Variants in IKZF1 observed in about 807,000 individuals in gnomAD.
IKZF1 encodes DNA-binding protein Ikaros.
In IKZF1, 10 loss-of-function variants were observed where a neutral mutation model predicts 51.7. The observed-to-expected ratio is 0.19, with a 90% CI of 0.12 to 0.33. The LOEUF (loss-of-function observed/expected upper bound fraction) is 0.33. Ranked by LOEUF, IKZF1 falls within the 10% of genes least tolerant of loss-of-function variation. The probability of loss-of-function intolerance (pLI) is 1.00; values close to 1 mark genes in which losing one functional copy is unlikely to be tolerated. For synonymous variants in IKZF1, 280 were observed against 282.3 expected (o/e 0.99, Z 0.08); for missense variants, 484 against 707.5 (o/e 0.68, Z 3.58).
chr7:50,372,998 T>C (rs1335797047), intron 3 of IKZF1, among the ~76,000 whole-genome samples: 1 of 152,244 alleles, frequency 6.6e-6, no homozygotes, highest in African/African-American at 2.4e-5. Context: ...CTGTTACAGC[T>C]CTCAGTGACA....
chr7:50,380,223 G>T (rs1436338512), intron 4 of IKZF1, among the ~76,000 whole-genome samples: 1 of 152,184 alleles, frequency 6.6e-6, no homozygotes, highest in Non-Finnish European at 1.5e-5. Context: ...CATGCCTTGT[G>T]CTATGTGTTC....
intron 1 of IKZF1, chr7:50,308,994 G>T: frequency 6.5e-6 from 1 of 152,676 alleles, no homozygotes; most frequent in Non-Finnish European, 1.5e-5. Flanking sequence ...TTTCCACAGT[G>T]GGTGGCCTGA....
chr7:50,347,776 A>G (rs1478605681), intron 3 of IKZF1, among the ~76,000 whole-genome samples: 2 of 152,202 alleles, frequency 1.3e-5, no homozygotes, highest in African/African-American at 4.8e-5. Context: ...AAGTCACTCA[A>G]GGGCAGGAGG....
chr7:50,312,224 C>T (rs1790358261), intron 1 of IKZF1, among the ~76,000 whole-genome samples: 1 of 152,032 alleles, frequency 6.6e-6, no homozygotes, highest in Non-Finnish European at 1.5e-5. Flanking sequence ...GTCGATGGCC[C>T]AAATCAGAAG....
intron 1 of IKZF1, among the ~76,000 whole-genome samples, chr7:50,307,182 G>A (rs945592832): frequency 5.3e-5 from 8 of 152,234 alleles, no homozygotes; most frequent in African/African-American, 1.9e-4. Flanking sequence ...CGTTTTTTGA[G>A]TGTTGCATAA....
intron 1 of IKZF1, among the ~76,000 whole-genome samples, chr7:50,310,828 C>A (rs2153338221): frequency 6.6e-6 from 1 of 152,294 alleles, no homozygotes. Flanking sequence ...GTAATTGTTA[C>A]CAAGCCATTG....
intron 3 of IKZF1, among the ~76,000 whole-genome samples, chr7:50,356,176 C>T (rs1389309829): frequency 2.0e-5 from 3 of 152,190 alleles, no homozygotes; most frequent in Admixed American, 1.3e-4. Context: ...CGTCTCAGCC[C>T]TAAAATTAAG....
chr7:50,387,977 G>A (rs1224446251), intron 6 of IKZF1, among the ~76,000 whole-genome samples: 1 of 152,194 alleles, frequency 6.6e-6, no homozygotes, highest in Non-Finnish European at 1.5e-5. Context: ...TTTGTTGGAA[G>A]CCCCTGGTAG....
Position 50,401,270 on chromosome 7 carries a change from T to C in IKZF1, c.*643T>C. ...AATGAATTGGTTGGGGAAAGTCGTGTCTGTCAGACTGCCCTGGGTGGAGGG... is the reference window on the plus strand; with the variant it reads ...AATGAATTGGTTGGGGAAAGTCGTGCCTGTCAGACTGCCCTGGGTGGAGGG... On this transcript the variant is annotated 3_prime_UTR_variant, in exon 8 of 8. Transcript: ENST00000331340. 8.6e-6 allele frequency: 2 copies of C among 231,656 alleles called. No homozygotes were observed. The highest frequency in any genetic ancestry group is 5.6e-5 in the Admixed American group (1 of 17,700). 14.4% of individuals were successfully genotyped at this position (231,656 alleles called of 1,614,324 possible).
intron 3 of IKZF1, among the ~76,000 whole-genome samples, chr7:50,341,895 G>A (rs1439979793): frequency 6.6e-6 from 1 of 151,300 alleles, no homozygotes; most frequent in Admixed American, 6.6e-5. Context: ...GTGCTCAGGA[G>A]TCACATGCAG....
intron 1 of IKZF1, among the ~76,000 whole-genome samples, chr7:50,313,596 G>A (rs10261758): frequency 0.73 from 110,842 of 152,152 alleles, 40,769 homozygotes; most frequent in African/African-American, 0.83. Context: ...AGAGTGCTAG[G>A]GAGAAAGAGG....
intron 1 of IKZF1, 70 bp from the exon 2 acceptor site, chr7:50,318,978 A>G: frequency 1.0e-6 from 1 of 961,522 alleles, no homozygotes; most frequent in Non-Finnish European, 1.7e-6. Context: ...GGGGTTCTTT[A>G]TCTCTCTCTC....
At chr7:50,325,737 T>A (rs1794808678) in intron 2 of IKZF1, among the ~76,000 whole-genome samples, 1 of 151,376 alleles carries the variant, frequency 6.6e-6, no homozygotes, top group African/African-American at 2.4e-5. Flanking sequence ...ATCGCGCCAC[T>A]GCACTCCAGC....
chr7:50,380,467 G>A (rs1811540982), intron 4 of IKZF1, among the ~76,000 whole-genome samples: 3 of 152,226 alleles, frequency 2.0e-5, no homozygotes, highest in Non-Finnish European at 4.4e-5. Context: ...GACCTGGGGA[G>A]AGACATGGGA....
intron 6 of IKZF1, among the ~76,000 whole-genome samples, 163 bp downstream of exon 6, chr7:50,387,633 A>G (rs1468001710): frequency 6.6e-6 from 1 of 152,174 alleles, no homozygotes; most frequent in African/African-American, 2.4e-5. Flanking sequence ...TTTCACCAGA[A>G]GCACGTTGTG....
chr7:50,339,050 G>T (rs1340804116), intron 3 of IKZF1, among the ~76,000 whole-genome samples: 1 of 152,188 alleles, frequency 6.6e-6, no homozygotes, highest in Admixed American at 6.5e-5. Flanking sequence ...AGTCTACCGT[G>T]GTTGGGAGTA....
intron 2 of IKZF1, 46 bp from the exon 3 acceptor site, chr7:50,327,592 C>A (rs780894962): frequency 7.1e-6 from 11 of 1,550,904 alleles, no homozygotes; most frequent in Non-Finnish European, 8.7e-6. Context: ...AGCCCAGGCA[C>A]CTTGACCATG....
chr7:50,304,647 G>A (rs943857627), upstream of IKZF1: 8 of 151,994 alleles, frequency 5.3e-5, no homozygotes, highest in African/African-American at 1.9e-4. Context: ...GGAACAATGC[G>A]AGTGAGCAAC....
intron 7 of IKZF1, among the ~76,000 whole-genome samples, chr7:50,397,279 A>G (rs1816960143): frequency 2.0e-5 from 3 of 152,258 alleles, no homozygotes; most frequent in Admixed American, 2.0e-4. Flanking sequence ...CTATGACTAT[A>G]CATGACATGT....
Sources: allele counts gnomAD v4.1 joint callset (sites outside exome capture counted in the v4.1 genomes callset), GRCh38; gene constraint gnomAD v4.1.1; transcripts MANE v1.5; gene names NCBI Gene and HGNC (gene_info 2026-07-23, HGNC 2026-07-21).